The following BMP6 variants were observed in gnomAD, a reference collection of about 807,000 sequenced individuals.
BMP6 encodes the protein bone morphogenetic protein 6.
A neutral mutation model predicts 54.1 loss-of-function variants in BMP6; 17 were observed. The ratio of observed to expected loss-of-function variants is 0.31; its 90% CI spans 0.22 to 0.47. The LOEUF is 0.47. Ranked by LOEUF, BMP6 falls within the 20% of genes least tolerant of loss-of-function variation. The pLI is 1.00. For missense variants in BMP6, 720 were observed against 690.4 expected (o/e 1.04, Z -0.48); for synonymous variants, 328 against 291.2 (o/e 1.13, Z -1.28).
At chr6:7,844,426 C>T (rs1199858951) in intron 1 of BMP6, among the ~76,000 whole-genome samples, 1 of 151,438 alleles carries the variant, frequency 6.6e-6, no homozygotes, top group African/African-American at 2.4e-5. Flanking sequence ...ATCTTTGTGG[C>T]ATCTACATGC....
intron 1 of BMP6, among the ~76,000 whole-genome samples, chr6:7,767,445 A>G (rs535836737): frequency 6.6e-6 from 1 of 152,290 alleles, no homozygotes; most frequent in South Asian, 2.1e-4. Flanking sequence ...CTGCATGATC[A>G]TCAGAGCACC....
chr6:7,847,060 T>C, intron 2 of BMP6, among the ~76,000 whole-genome samples: 1 of 152,296 alleles, frequency 6.6e-6, no homozygotes, highest in African/African-American at 2.4e-5. Flanking sequence ...AGCAGAACAT[T>C]TGTAAGGTTT....
intron 1 of BMP6, among the ~76,000 whole-genome samples, chr6:7,823,699 C>T (rs937365649): frequency 6.6e-6 from 1 of 152,126 alleles, no homozygotes; most frequent in African/African-American, 2.4e-5. Context: ...AGCTGTGTGG[C>T]TGTCTGGGGT....
At chr6:7,758,124 G>A (rs2113137256) in intron 1 of BMP6, among the ~76,000 whole-genome samples, 1 of 152,312 alleles carries the variant, frequency 6.6e-6, no homozygotes, top group Middle Eastern at 3.4e-3. Flanking sequence ...GCCCCTGCAT[G>A]GGGAAGATGC....
chr6:7,855,715 G>A (rs1759218148), intron 2 of BMP6, among the ~76,000 whole-genome samples: 1 of 151,532 alleles, frequency 6.6e-6, no homozygotes, highest in Admixed American at 6.6e-5. Context: ...TTTTTGTAGA[G>A]GCAGGGTTTT....
chr6:7,805,792 A>C (rs1758338596), intron 1 of BMP6, among the ~76,000 whole-genome samples: 1 of 152,238 alleles, frequency 6.6e-6, no homozygotes, highest in Non-Finnish European at 1.5e-5. Flanking sequence ...GGTAGAGATG[A>C]TAAAATACTC....
intron 1 of BMP6, among the ~76,000 whole-genome samples, 156 bp downstream of exon 1, chr6:7,727,775 C>T (rs989036638): frequency 1.3e-5 from 2 of 151,670 alleles, no homozygotes; most frequent in African/African-American, 2.4e-5. Flanking sequence ...CTCCCGCCAC[C>T]TGCGCGGCGG....
chr6:7,815,912 T>C (rs1201926766), intron 1 of BMP6, among the ~76,000 whole-genome samples: 3 of 152,228 alleles, frequency 2.0e-5, no homozygotes, highest in Non-Finnish European at 4.4e-5. Flanking sequence ...AGTAGCATTG[T>C]AGAAATAAAT....
intron 1 of BMP6, among the ~76,000 whole-genome samples, chr6:7,781,966 G>C (rs1261585022): frequency 1.3e-5 from 2 of 151,504 alleles, no homozygotes; most frequent in African/African-American, 2.4e-5. Context: ...GATGGTAGGG[G>C]CTGCCTTGAT....
intron 1 of BMP6, among the ~76,000 whole-genome samples, chr6:7,768,695 T>C (rs1452936222): frequency 6.6e-6 from 1 of 152,234 alleles, no homozygotes; most frequent in Non-Finnish European, 1.5e-5. Context: ...TTCTCACTTC[T>C]GTCCAGTCTG....
At chr6:7,874,833 C>A (rs550312651) in intron 4 of BMP6, among the ~76,000 whole-genome samples, 3 of 152,264 alleles carry the variant, frequency 2.0e-5, no homozygotes, top group African/African-American at 7.2e-5. Flanking sequence ...CCACCCTGTA[C>A]TCTCTATGCC....
intron 1 of BMP6, among the ~76,000 whole-genome samples, chr6:7,752,955 G>A (rs1463579911): frequency 6.6e-6 from 1 of 152,000 alleles, no homozygotes; most frequent in Non-Finnish European, 1.5e-5. Flanking sequence ...CAAGAAACTG[G>A]GTCAGCCAGG....
In BMP6 at chr6:7,727,445, G is replaced by A; in HGVS notation, c.490G>A (p.Glu164Lys). The change falls in exon 1 of 7, where the codon GAA becomes AAA. Residue 164 changes from glutamate to lysine, a missense_variant. Glu to Lys is a moderately conservative substitution (Grantham distance 56). This residue lies in a region of BMP6 where 650 missense variants were observed against 556.3 expected (regional missense o/e 1.17). Coordinates refer to ENST00000283147, the MANE Select transcript of BMP6 (RefSeq NM_001718.6). The stretch of plus-strand genomic sequence containing the variant: ...GGAGAGGCAGCAGTCCTGGCCCCAC[G>A]AAGCAGCCAGCTCGTCCCAGCGTCG... Reference protein sequence around the residue: ...EGERQQSWPHEAASSSQRRQP... With the variant: ...EGERQQSWPHKAASSSQRRQP... 1.9e-6 allele frequency: 3 copies of A among 1,602,190 alleles called. No homozygotes were observed. Among genetic ancestry groups the A allele is most frequent in the Non-Finnish European group, 2.5e-6 (3 of 1,176,666 alleles).
At chr6:7,821,942 G>A (rs1327851161) in intron 1 of BMP6, among the ~76,000 whole-genome samples, 2 of 152,126 alleles carry the variant, frequency 1.3e-5, no homozygotes, top group Admixed American at 6.5e-5. Context: ...TAGGGCTTAC[G>A]GTTATGAATT....
intron 1 of BMP6, among the ~76,000 whole-genome samples, chr6:7,811,405 AAG>A (rs1428461395): frequency 1.3e-5 from 2 of 152,102 alleles, no homozygotes; most frequent in African/African-American, 4.8e-5. Context: ...GACTATCTAG[AAG>A]GAAGGTCTGA....
At chr6:7,856,326 A>C (rs1466441207) in intron 2 of BMP6, among the ~76,000 whole-genome samples, 2 of 152,198 alleles carry the variant, frequency 1.3e-5, no homozygotes, top group East Asian at 3.9e-4. Flanking sequence ...GAAAAAGTAA[A>C]AAGCATGAGC....
At chr6:7,770,717 A>ACTAACT in intron 1 of BMP6, among the ~76,000 whole-genome samples, 1 of 152,308 alleles carries the variant, frequency 6.6e-6, no homozygotes, top group East Asian at 1.9e-4. Flanking sequence ...TTCCAGATTT[A>ACTAACT]CTAACTCAGA....
chr6:7,784,488 TTCACAGTGTTA>T (rs1360944944), intron 1 of BMP6, among the ~76,000 whole-genome samples: 1 of 152,202 alleles, frequency 6.6e-6, no homozygotes, highest in Non-Finnish European at 1.5e-5. Context: ...TAGTAAAGTG[TTCACAGTGTTA>T]TCACAAGTGT....
At chr6:7,737,118 A>G (rs558193783) in intron 1 of BMP6, among the ~76,000 whole-genome samples, 5 of 152,064 alleles carry the variant, frequency 3.3e-5, no homozygotes, top group Non-Finnish European at 7.4e-5. Flanking sequence ...CCCGGGAGGC[A>G]GAGATTTCAG....
Sources: allele counts gnomAD v4.1 joint callset (sites outside exome capture counted in the v4.1 genomes callset), GRCh38; gene constraint gnomAD v4.1.1; regional missense constraint gnomAD v4.1.1; transcripts MANE v1.5; gene names NCBI Gene and HGNC (gene_info 2026-07-23, HGNC 2026-07-21).